The following GID4 variants were observed in gnomAD, a reference collection of about 807,000 sequenced individuals.
GID4 encodes the protein glucose-induced degradation protein 4 homolog.
In GID4, 7 loss-of-function variants were observed where a neutral mutation model predicts 32.4. The observed-to-expected ratio is 0.22, with a 90% CI of 0.12 to 0.41. GID4 has a LOEUF of 0.41. GID4 is among the 10% of genes least tolerant of loss of function. The pLI, the probability that GID4 is intolerant of heterozygous loss-of-function variation, is 1.00. For missense variants in GID4, 309 were observed against 400.0 expected (o/e 0.77, Z 1.94); for synonymous variants, 166 against 170.0 (o/e 0.98, Z 0.18).
At chr17:18,052,468 A>G in intron 2 of GID4, among the ~76,000 whole-genome samples, 1 of 152,168 alleles carries the variant, frequency 6.6e-6, no homozygotes, top group Non-Finnish European at 1.5e-5. Flanking sequence ...ATGCAGAATA[A>G]GAGGGGCTTA....
chr17:18,039,591 TC>T lies in GID4; in HGVS notation c.130del (p.Arg44AlafsTer98). 2.2e-6 allele frequency: 2 copies of T among 923,556 alleles called. No individual in the cohort carries two copies. The highest frequency in any genetic ancestry group is 2.7e-6 in the Non-Finnish European group (2 of 746,916). The allele number at this position is 923,556 out of a possible 1,614,324, so 57.2% of individuals were successfully genotyped here. A position where few individuals can be genotyped will look rare whatever the true frequency, so the allele number is the denominator to read the frequency against. ...CAGGCAGCGGGCGGGTGGTCGCCCC[TC>T]CCGCCCCCACCCCGCGCGTGCGCGC... is the stretch of plus-strand genomic sequence containing the variant. Reference protein sequence around the residue: ...LRRQRAGGRPSRPHPARARPG... With the variant: ...LRRQRAGGRPXRPHPARARPG... On this transcript the variant is annotated frameshift_variant, in exon 1 of 6. Transcript: ENST00000268719. LOFTEE classifies it high-confidence loss of function. This position sits in a 1 kb window ranked among gnomAD's most constrained non-coding sequence, Gnocchi z 5.3.
At chr17:18,048,959 AATTT>A (rs1235530344) in intron 2 of GID4, among the ~76,000 whole-genome samples, 2 of 152,014 alleles carry the variant, frequency 1.3e-5, no homozygotes, top group Non-Finnish European at 2.9e-5. Flanking sequence ...TCAAATTTTT[AATTT>A]ATTTTAATTA....
chr17:18,060,400 CAAAAAA>C (rs919974638), intron 4 of GID4, among the ~76,000 whole-genome samples: 4 of 45,680 alleles, frequency 8.8e-5, no homozygotes, highest in South Asian at 9.2e-4. Context: ...TCTGTCTCAC[CAAAAAA>C]AAAAAAAAAA....
intron 2 of GID4, among the ~76,000 whole-genome samples, chr17:18,052,213 G>T (rs1246172623): frequency 6.6e-6 from 1 of 152,084 alleles, no homozygotes; most frequent in African/African-American, 2.4e-5. Flanking sequence ...TTAGGATAGG[G>T]GGGTTGTGGG....
chr17:18,052,537 C>T (rs1032933676), intron 2 of GID4, among the ~76,000 whole-genome samples: 5 of 152,184 alleles, frequency 3.3e-5, no homozygotes, highest in Admixed American at 6.5e-5. Context: ...GGACTGTAAT[C>T]TGTGGTTTTC....
Position 18,067,514 on chromosome 17 carries a change from A to G in GID4, c.*2271A>G, listed in dbSNP as rs770045194. ...TTTACTAGATCCTTCAGACACATCT[A>G]TGAGAAGATTTGTTCATTTAAAAGT... On this transcript the variant is annotated 3_prime_UTR_variant, in exon 6 of 6. Coordinates refer to ENST00000268719, the MANE Select transcript of GID4 (RefSeq NM_024052.5). 5 of 152,584 alleles carry G rather than the reference A, an allele frequency of 3.3e-5. No homozygotes were observed. The East Asian group carries it at 7.7e-4, about 23-fold the overall frequency. 9.5% of individuals were successfully genotyped at this position (152,584 alleles called of 1,614,324 possible).
chr17:18,052,361 C>T (rs1303179812), intron 2 of GID4, among the ~76,000 whole-genome samples: 1 of 152,186 alleles, frequency 6.6e-6, no homozygotes, highest in Admixed American at 6.6e-5. Context: ...GCCTCTGCAC[C>T]AGTGGCTTTT....
At chr17:18,045,053 C>T in intron 1 of GID4, 94 bp from the exon 2 acceptor site, 1 of 926,266 alleles carries the variant, frequency 1.1e-6, no homozygotes, top group Non-Finnish European at 1.7e-6. Flanking sequence ...TCACTGACCA[C>T]CAGTCTGGCC....
At position 18,039,746 on chromosome 17, in the gene GID4, C is replaced by G. The variant is rs766502643; in HGVS notation, c.282C>G (p.Ala94=). Residue 94 remains alanine (A), a synonymous_variant, in exon 1 of 6, where the codon GCC becomes GCG. Coordinates refer to ENST00000268719, the MANE Select transcript of GID4 (RefSeq NM_024052.5). This position sits in a 1 kb window ranked among gnomAD's most constrained non-coding sequence, Gnocchi z 5.3. ...MPVRTECPPP[A]GASAASAASL... Reference sequence around the variant, plus strand: ...TCCGCACCGAGTGTCCCCCGCCGGCCGGTGCCTCCGCTGCCTCCGCGGCCT... The same window carrying G: ...TCCGCACCGAGTGTCCCCCGCCGGCGGGTGCCTCCGCTGCCTCCGCGGCCT... 6.5e-7 allele frequency: 1 copy of G among 1,549,608 alleles called. No individual in the cohort carries two copies. The highest frequency in any genetic ancestry group is 8.7e-7 in the Non-Finnish European group (1 of 1,150,434).
rs538529842 is a variant in GID4 at position 18,049,518 on chromosome 17, T to C, written c.498+4312T>C. Among the ~76,000 whole-genome samples the C allele has an allele frequency of 2.6e-5, 4 of 152,298 alleles. No homozygotes were observed. In the South Asian group the frequency reaches 6.2e-4, roughly 24 times the overall value. ...ATAAACTTATGTCACGGTTTACCTA[T>C]GTAACTGTTGTGGAGATTATTTTGT... On this transcript the variant is annotated intron_variant, in intron 2 of 5. Coordinates refer to ENST00000268719, the MANE Select transcript of GID4 (RefSeq NM_024052.5).
intron 2 of GID4, among the ~76,000 whole-genome samples, chr17:18,050,874 T>C (rs1171882564): frequency 1.3e-5 from 2 of 152,220 alleles, no homozygotes; most frequent in African/African-American, 4.8e-5. Flanking sequence ...TATCCTTTCT[T>C]CTGACATGGT....
At chr17:18,042,310 T>C (rs1159667634) in intron 1 of GID4, among the ~76,000 whole-genome samples, 1 of 152,212 alleles carries the variant, frequency 6.6e-6, no homozygotes, top group African/African-American at 2.4e-5. Flanking sequence ...ATGTAACCCT[T>C]AGCCATAACC....
chr17:18,058,056 A>G (rs2044985923), intron 3 of GID4, among the ~76,000 whole-genome samples: 1 of 152,112 alleles, frequency 6.6e-6, no homozygotes, highest in Non-Finnish European at 1.5e-5. Context: ...GATGGTCTTG[A>G]TCTCCTGACC....
intron 3 of GID4, among the ~76,000 whole-genome samples, chr17:18,057,652 T>G (rs2044981249): frequency 1.3e-5 from 2 of 152,222 alleles, no homozygotes; most frequent in South Asian, 4.1e-4. Flanking sequence ...GTATACAGTG[T>G]ATACTTGTTT....
At chr17:18,046,941 A>C (rs969229473) in intron 2 of GID4, among the ~76,000 whole-genome samples, 5 of 151,202 alleles carry the variant, frequency 3.3e-5, no homozygotes, top group South Asian at 2.1e-4. Flanking sequence ...AAAAAAAAAA[A>C]AAAATCCCTG....
rs559512031 is a variant in GID4, at chr17:18,066,434, C to G, written c.*1191C>G. ...GAAACATGAACATGCTCAAATAACT[C>G]GAGGCTCACGTGCCAAAGTGTGTGT... On this transcript the variant is annotated 3_prime_UTR_variant, in exon 6 of 6. Coordinates refer to ENST00000268719, the MANE Select transcript of GID4 (RefSeq NM_024052.5). The G allele has an allele frequency of 4.6e-5, 7 of 150,812 alleles. No individual in the cohort carries two copies. The highest frequency in any genetic ancestry group is 3.3e-4 in the Admixed American group (5 of 15,060). 9.3% of individuals were successfully genotyped at this position (150,812 alleles called of 1,614,324 possible).
At chr17:18,059,810 G>T (rs1014743020) in intron 4 of GID4, among the ~76,000 whole-genome samples, 1 of 152,088 alleles carries the variant, frequency 6.6e-6, no homozygotes, top group Non-Finnish European at 1.5e-5. Flanking sequence ...GATCGGCCGG[G>T]CGTGGTGGAT....
chr17:18,058,218 A>G (rs1023666364), intron 3 of GID4, among the ~76,000 whole-genome samples: 4 of 152,252 alleles, frequency 2.6e-5, no homozygotes, highest in African/African-American at 9.6e-5. Context: ...TGAATTAGGT[A>G]TTATAAGCAA....
rs1325045773 is a variant in GID4 at position 18,066,997 on chromosome 17, A to G, written c.*1754A>G. On this transcript the variant is annotated 3_prime_UTR_variant, in exon 6 of 6. Coordinates refer to ENST00000268719, the MANE Select transcript of GID4 (RefSeq NM_024052.5). ...AGGGAAAAATAATTCATTCCCAGAGATGAGTCAGAACAGTCTCCTCAATCC... is the reference window on the plus strand; with the variant it reads ...AGGGAAAAATAATTCATTCCCAGAGGTGAGTCAGAACAGTCTCCTCAATCC... 1.3e-5 allele frequency: 2 copies of G among 152,224 alleles called. No individual in the cohort carries two copies. Among genetic ancestry groups the G allele is most frequent in the Non-Finnish European group, 2.9e-5 (2 of 68,048 alleles). The allele number at this position is 152,224 out of a possible 1,614,324, so 9.4% of individuals were successfully genotyped here.
Sources: gnomAD v4.1 joint callset for allele counts (sites outside exome capture counted in the v4.1 genomes callset) on GRCh38, gnomAD v4.1.1 for gene constraint, Gnocchi (gnomAD v3.1) non-coding constraint, MANE v1.5 for transcripts, NCBI Gene and HGNC (gene_info 2026-07-23, HGNC 2026-07-21) for gene names.